The following GIGYF2 variants were observed in gnomAD, a reference collection of about 807,000 sequenced individuals.
GIGYF2 encodes GRB10-interacting GYF protein 2.
GIGYF2 carries 25 observed loss-of-function variants against 208.1 expected under a neutral mutation model. That is an observed-to-expected ratio of 0.12 (90% CI 0.09 to 0.17). The LOEUF is 0.17. Ranked by LOEUF, GIGYF2 falls within the 10% of genes least tolerant of loss-of-function variation. GIGYF2 has a pLI of 1.00. For synonymous variants in GIGYF2, 534 were observed against 543.8 expected (o/e 0.98, Z 0.25); for missense variants, 1,302 against 1,579.4 (o/e 0.82, Z 2.98).
intron 6 of GIGYF2, among the ~76,000 whole-genome samples, chr2:232,757,675 T>C (rs1201341858): frequency 1.3e-5 from 2 of 151,980 alleles, no homozygotes; most frequent in Non-Finnish European, 2.9e-5. Flanking sequence ...CTCCAGTGCT[T>C]TTCAGGGCAA....
chr2:232,821,488 G>A (rs1302500494), intron 21 of GIGYF2, among the ~76,000 whole-genome samples: 1 of 152,192 alleles, frequency 6.6e-6, no homozygotes, highest in African/African-American at 2.4e-5. Flanking sequence ...ATGAGCCACC[G>A]CGCCTGGCCA....
chr2:232,814,065 T>G (rs1559451540), intron 18 of GIGYF2, among the ~76,000 whole-genome samples: 1 of 151,598 alleles, frequency 6.6e-6, no homozygotes, highest in Admixed American at 6.6e-5. Flanking sequence ...TTTTTGTATT[T>G]TTGGTAGAGA....
At chr2:232,771,420 A>G in intron 8 of GIGYF2, 7 of 1,308,386 alleles carry the variant, frequency 5.4e-6, no homozygotes, top group South Asian at 1.3e-5. Flanking sequence ...ACTGTTTTAT[A>G]GTTAATGTTT....
At chr2:232,836,934 C>A (rs1701656785) in intron 22 of GIGYF2, among the ~76,000 whole-genome samples, 1 of 152,186 alleles carries the variant, frequency 6.6e-6, no homozygotes, top group Non-Finnish European at 1.5e-5. Flanking sequence ...TACCCTCAGA[C>A]AAAAATCTCT....
At chr2:232,831,937 T>G (rs1303112208) in intron 21 of GIGYF2, among the ~76,000 whole-genome samples, 1 of 152,128 alleles carries the variant, frequency 6.6e-6, no homozygotes, top group African/African-American at 2.4e-5. Context: ...ACTGGAAGCT[T>G]AAAAGCAAAA....
At chr2:232,713,251 A>G (rs751870962) in intron 2 of GIGYF2, among the ~76,000 whole-genome samples, 1 of 151,754 alleles carries the variant, frequency 6.6e-6, no homozygotes, top group African/African-American at 2.4e-5. Context: ...GATTTTTTGT[A>G]TTTTTTGGCA....
Position 232,812,422 on chromosome 2 carries a change from A to T in GIGYF2, c.2038A>T (p.Thr680Ser). Residue 680 changes from threonine to serine, a missense_variant, in exon 18 of 29, where the codon ACT (threonine) becomes TCT (serine). Thr to Ser is a moderately conservative substitution (Grantham distance 58, BLOSUM62 1). This residue lies in a region of GIGYF2 where 701 missense variants were observed against 793.0 expected (regional missense o/e 0.88). Transcript: ENST00000373563. ...ISDQNIIPSV[T>S]RSVSVPDTGS... The stretch of plus-strand genomic sequence containing the variant: ...TGATCAGAACATCATTCCCTCAGTA[A>T]CTAGGTCTGTGTCCGTGCCAGATAC... 1 of 1,514,948 alleles carries T rather than the reference A, an allele frequency of 6.6e-7. No homozygotes were observed. Among genetic ancestry groups the T allele is most frequent in the South Asian group, 1.1e-5 (1 of 88,964 alleles). 93.8% of individuals were successfully genotyped at this position (1,514,948 alleles called of 1,614,324 possible).
intron 8 of GIGYF2, among the ~76,000 whole-genome samples, chr2:232,764,143 C>T (rs528096957): frequency 2.6e-5 from 4 of 152,160 alleles, no homozygotes; most frequent in South Asian, 4.2e-4. Context: ...CAAGGTGAAT[C>T]GAGACCAAAT....
At chr2:232,776,412 G>A (rs1699515471) in intron 8 of GIGYF2, 1 of 1,578,018 alleles carries the variant, frequency 6.3e-7, no homozygotes, top group South Asian at 1.1e-5. Context: ...TTCCCATAAG[G>A]AAAGAAGAAT....
In GIGYF2 at chr2:232,834,739, GTTC is replaced by G. The variant is rs1323013847; in HGVS notation, c.2766+1651_2766+1653del. On this transcript the variant is annotated intron_variant, in intron 22 of 28. Transcript: ENST00000373563. Reference sequence around the variant, plus strand: ...CTCTAAGGCTCTCTTCAGTTTTCATGTTCTTCTCTCTATTCTTTGTGTAATCTG... The same window carrying G: ...CTCTAAGGCTCTCTTCAGTTTTCATGTTCTCTCTATTCTTTGTGTAATCTG... Among the ~76,000 whole-genome samples, 14 of 151,970 alleles carry G rather than the reference GTTC, an allele frequency of 9.2e-5. No individual in the cohort carries two copies. In the East Asian group the frequency reaches 2.7e-3, roughly 29 times the overall value.
chr2:232,796,317 AAG>A, intron 14 of GIGYF2, 96 bp downstream of exon 14: 1 of 871,518 alleles, frequency 1.1e-6, no homozygotes. Context: ...ATAGTAGAAA[AAG>A]AAGTCAACAA....
intron 2 of GIGYF2, among the ~76,000 whole-genome samples, chr2:232,733,655 T>C (rs1177254061): frequency 6.6e-6 from 1 of 152,180 alleles, no homozygotes; most frequent in Non-Finnish European, 1.5e-5. Context: ...GGATTCATTC[T>C]AGGATGTCCT....
At chr2:232,728,926 C>CTTTCCTTTTCCT (rs570054752) in intron 2 of GIGYF2, among the ~76,000 whole-genome samples, 1 of 151,206 alleles carries the variant, frequency 6.6e-6, no homozygotes, top group Non-Finnish European at 1.5e-5. Flanking sequence ...ACTCAGAGAC[C>CTTTCCTTTTCCT]TTTCCTTTTC....
Position 232,805,606 on chromosome 2 carries a change from T to A in GIGYF2, c.1640-885T>A, listed in dbSNP as rs557137785. Among the ~76,000 whole-genome samples, 327 of 152,324 alleles carry A rather than the reference T, an allele frequency of 2.1e-3. 1 individual carries two copies. Among genetic ancestry groups the A allele is most frequent in the African/African-American group, 7.5e-3 (312 of 41,564 alleles). ...TTCTTGTAGATAGCATACTATTAGG[T>A]CATGTGTTCTGGTTGCTGGCTTCTT... On this transcript the variant is annotated intron_variant, in intron 14 of 28. Coordinates refer to ENST00000373563, the MANE Select transcript of GIGYF2 (RefSeq NM_001103146.3).
Position 232,791,130 on chromosome 2 carries a change from A to G in GIGYF2, c.1053A>G (p.Thr351=). 1 of 1,614,096 alleles carries G rather than the reference A, an allele frequency of 6.2e-7. No homozygotes were observed. The highest frequency in any genetic ancestry group is 1.6e-4 in the Middle Eastern group (1 of 6,062). Residue 351 remains threonine, a synonymous_variant, in exon 11 of 29, where the codon ACA becomes ACG. Transcript: ENST00000373563. The part of the protein sequence containing the change: ...HNEEAKEPDK[T]NKKEGEKTDR... ...AAGAGGCCAAAGAACCCGATAAGAC[A>G]AATAAGAAAGAAGGAGAGAAAACAG...
At chr2:232,720,079 T>A (rs747574491) in intron 2 of GIGYF2, among the ~76,000 whole-genome samples, 4 of 152,338 alleles carry the variant, frequency 2.6e-5, no homozygotes, top group Non-Finnish European at 5.9e-5. Context: ...TTTCTCCTAA[T>A]GCTATCCCTC....
At chr2:232,836,349 T>A (rs1247148782) in intron 22 of GIGYF2, among the ~76,000 whole-genome samples, 1 of 43,154 alleles carries the variant, frequency 2.3e-5, no homozygotes, top group African/African-American at 8.5e-5. Context: ...TACTTATATA[T>A]TTATATATAT....
intron 2 of GIGYF2, among the ~76,000 whole-genome samples, chr2:232,707,778 C>A (rs1368176540): frequency 7.9e-5 from 12 of 151,774 alleles, no homozygotes. Context: ...GCTGGGATTA[C>A]AGGTGCGTGC....
chr2:232,717,160 A>G (rs529693314), intron 2 of GIGYF2, among the ~76,000 whole-genome samples: 54 of 152,084 alleles, frequency 3.6e-4, no homozygotes, highest in Non-Finnish European at 7.1e-4. Flanking sequence ...ATTTAACACA[A>G]CTGGAGCTGG....
Sources: allele counts gnomAD v4.1 joint callset (sites outside exome capture counted in the v4.1 genomes callset), GRCh38; gene constraint gnomAD v4.1.1; regional missense constraint gnomAD v4.1.1; transcripts MANE v1.5; gene names NCBI Gene and HGNC (gene_info 2026-07-23, HGNC 2026-07-21).